TMEM68: variants seen among roughly 807,000 people sequenced by gnomAD.
The protein encoded by TMEM68 is DGAT1/2-independent enzyme synthesizing storage lipids.
Under a neutral mutation model 36.9 loss-of-function variants are expected in TMEM68, and 25 were observed. The observed-to-expected ratio is 0.68, with a 90% CI of 0.49 to 0.95. TMEM68 has a LOEUF of 0.95. Among genes scored for constraint, TMEM68 ranks in the 40% least tolerant of loss-of-function variants. The pLI, the probability that TMEM68 is intolerant of heterozygous loss-of-function variation, is 0.00. For missense variants in TMEM68, 333 were observed against 392.0 expected, an observed-to-expected ratio of 0.85 and a Z score of 1.27; for synonymous variants, 131 against 124.4, an observed-to-expected ratio of 1.05 and a Z score of -0.35.
chr8:55,746,297 T>C (rs1177066482), intron 5 of TMEM68: 4 of 103,752 alleles, frequency 3.9e-5, no homozygotes, highest in East Asian at 6.4e-4. Flanking sequence ...GTAAGGGCAA[T>C]AGAGCGAGAC....
intron 1 of TMEM68, among the ~76,000 whole-genome samples, chr8:55,771,650 T>C (rs1305269414): frequency 6.6e-6 from 1 of 152,084 alleles, no homozygotes; most frequent in Non-Finnish European, 1.5e-5. Flanking sequence ...ATAAAGTATA[T>C]CTATTTTGAA....
At chr8:55,742,103 G>A (rs1387323242) in intron 7 of TMEM68, among the ~76,000 whole-genome samples, 1 of 152,116 alleles carries the variant, frequency 6.6e-6, no homozygotes, top group Non-Finnish European at 1.5e-5. Flanking sequence ...ATACAACATA[G>A]ATGAACCTTG....
chr8:55,766,665 C>T (rs1269254783), intron 1 of TMEM68, among the ~76,000 whole-genome samples: 1 of 152,018 alleles, frequency 6.6e-6, no homozygotes, highest in Non-Finnish European at 1.5e-5. Flanking sequence ...CATGAGCCAC[C>T]GTGCCCGGCC....
intron 4 of TMEM68, 149 bp downstream of exon 4, chr8:55,756,095 C>T: frequency 4.3e-6 from 2 of 462,740 alleles, no homozygotes; most frequent in Non-Finnish European, 3.6e-6. Context: ...ATTAGATATT[C>T]CCATATTAGA....
At position 55,745,264 on chromosome 8, in the gene TMEM68, G is replaced by A. The variant is rs1159102031; in HGVS notation, c.688-143C>T. 1.8e-5 allele frequency: 8 copies of A among 432,998 alleles called. 1 individual carries two copies. Among genetic ancestry groups the A allele is most frequent in the East Asian group, 7.4e-5 (2 of 26,862 alleles). The allele number at this position is 432,998 out of a possible 1,614,324, so 26.8% of individuals were successfully genotyped here. A position where few individuals can be genotyped will look rare whatever the true frequency, so the allele number is the denominator to read the frequency against. ...TGCCACCCTGAACATGCCCAATCTC[G>A]TCTGATCCCAGAAGCTAAGCAGGGT... On this transcript the variant is annotated intron_variant, in intron 5 of 7. Coordinates refer to ENST00000434581, the MANE Select transcript of TMEM68 (RefSeq NM_001286657.2).
At chr8:55,771,637 T>A (rs10808901) in intron 1 of TMEM68, among the ~76,000 whole-genome samples, 131,017 of 151,854 alleles carry the variant, frequency 0.86, 56,666 homozygotes, top group East Asian at 0.99. Flanking sequence ...AATAAATAAA[T>A]AAATAAAGTA....
In TMEM68 at chr8:55,756,326, A is replaced by C; in HGVS notation, c.411T>G (p.Phe137Leu). Residue 137 changes from phenylalanine (F) to leucine (L), a missense_variant, in exon 4 of 8, where the codon TTT becomes TTG. By Grantham distance (22) the Phe-to-Leu change is conservative (BLOSUM62 0). Transcript: ENST00000434581. The stretch of plus-strand genomic sequence containing the variant: ...TAAATATTTTAGCCATGAAATAGTA[A>C]AAATCTATAGGAATAGCTCCATGAT... ...IFYHGAIPIDFYYFMAKIFIH... is the reference protein window; with the variant it reads ...IFYHGAIPIDLYYFMAKIFIH... The C allele has an allele frequency of 6.2e-7, 1 of 1,605,778 alleles. No individual in the cohort carries two copies. Among genetic ancestry groups the C allele is most frequent in the Non-Finnish European group, 8.5e-7 (1 of 1,177,342 alleles).
Position 55,739,994 on chromosome 8 carries a change from A to T in TMEM68, c.*138T>A. ...AAAATTGACTATTTTAAAGAAACGA[A>T]TTCTGTGAAAGATGCTTATTAACAT... On this transcript the variant is annotated 3_prime_UTR_variant, in exon 8 of 8. Coordinates refer to ENST00000434581, the MANE Select transcript of TMEM68 (RefSeq NM_001286657.2). 1.6e-6 allele frequency: 1 copy of T among 634,402 alleles called. No homozygotes were observed. Among genetic ancestry groups the T allele is most frequent in the Non-Finnish European group, 2.6e-6 (1 of 391,266 alleles). The allele number at this position is 634,402 out of a possible 1,614,324, so 39.3% of individuals were successfully genotyped here.
rs781501830 is a variant in TMEM68, at chr8:55,740,189, A to T, written c.918T>A (p.Asp306Glu). Residue 306 changes from aspartate (D) to glutamate (E), a missense_variant, in exon 8 of 8, where the codon GAT (aspartate) becomes GAA (glutamate). Physicochemically the swap from Asp to Glu is conservative, Grantham distance 45. Transcript: ENST00000434581. ...KTKNAVQALIDKHQRIPGNIM... is the reference protein window; with the variant it reads ...KTKNAVQALIEKHQRIPGNIM... ...TGTTTCCTGGTATTCTTTGGTGCTT[A>T]TCAATCAAAGCTTGAACAGCATTCT... is the stretch of plus-strand genomic sequence containing the variant. 5.6e-6 allele frequency: 9 copies of T among 1,613,562 alleles called. No individual in the cohort carries two copies. The highest frequency in any genetic ancestry group is 7.6e-6 in the Non-Finnish European group (9 of 1,179,852).
rs776592709 is a variant in TMEM68 at position 55,763,016 on chromosome 8, G to A, written c.-57C>T. On this transcript the variant is annotated 5_prime_UTR_variant, in exon 3 of 8. Coordinates refer to ENST00000434581, the MANE Select transcript of TMEM68 (RefSeq NM_001286657.2). ...TCTTTCTTCATTGCCATAGCAGGTCGCTAATTTTGACACTAGAAGGGAAAA... is the reference window on the plus strand; with the variant it reads ...TCTTTCTTCATTGCCATAGCAGGTCACTAATTTTGACACTAGAAGGGAAAA... The A allele has an allele frequency of 2.4e-5, 37 of 1,513,122 alleles. No homozygotes were observed. The highest frequency in any genetic ancestry group is 1.6e-4 in the East Asian group (7 of 43,806). 93.7% of individuals were successfully genotyped at this position (1,513,122 alleles called of 1,614,324 possible).
At chr8:55,742,378 A>C (rs368676790) in intron 7 of TMEM68, among the ~76,000 whole-genome samples, 4 of 152,186 alleles carry the variant, frequency 2.6e-5, no homozygotes, top group African/African-American at 9.6e-5. Flanking sequence ...AAGATAGTAC[A>C]TGTATGTGTT....
At chr8:55,763,126 C>T in intron 2 of TMEM68, 98 bp from the exon 3 acceptor site, 3 of 605,794 alleles carry the variant, frequency 5.0e-6, no homozygotes, top group Non-Finnish European at 7.8e-6. Flanking sequence ...TCTTAATACC[C>T]AAAATGAGTA....
At chr8:55,750,408 A>T (rs1810395478) in intron 5 of TMEM68, among the ~76,000 whole-genome samples, 1 of 152,234 alleles carries the variant, frequency 6.6e-6, no homozygotes, top group Admixed American at 6.5e-5. Context: ...AATAAACAGA[A>T]AACGAAGCAG....
intron 4 of TMEM68, among the ~76,000 whole-genome samples, chr8:55,754,988 A>T (rs1262216774): frequency 7.0e-6 from 1 of 143,574 alleles, no homozygotes; most frequent in African/African-American, 2.6e-5. Context: ...TAGCCTTTAT[A>T]AACAGATTTT....
At chr8:55,742,032 G>T (rs1810118990) in intron 7 of TMEM68, among the ~76,000 whole-genome samples, 2 of 152,036 alleles carry the variant, frequency 1.3e-5, no homozygotes, top group Non-Finnish European at 2.9e-5. Context: ...CTGCAGCCAG[G>T]GTTACAGAGT....
chr8:55,754,108 G>GTA (rs1810498983), intron 4 of TMEM68, among the ~76,000 whole-genome samples: 1 of 151,110 alleles, frequency 6.6e-6, no homozygotes, highest in Admixed American at 6.6e-5. Flanking sequence ...GAATAAATAT[G>GTA]TATATACACA....
chr8:55,755,943 A>G (rs912044208), intron 4 of TMEM68, among the ~76,000 whole-genome samples: 9 of 151,848 alleles, frequency 5.9e-5, no homozygotes, highest in African/African-American at 2.2e-4. Flanking sequence ...ATTTAAAATT[A>G]TTTTTTAAAA....
chr8:55,743,613 A>AAAT lies in TMEM68; in HGVS notation c.753_755dup (p.Leu251dup). The AAAT allele has an allele frequency of 6.5e-7, 1 of 1,534,588 alleles. No homozygotes were observed. The highest frequency in any genetic ancestry group is 8.7e-7 in the Non-Finnish European group (1 of 1,146,306). ...AGCGGAATTTTTCATAAAGCCACCT[A>AAAT]AATAACCCTGTTTTAGAGTAAATAC... On this transcript the variant is annotated inframe_insertion, in exon 7 of 8. Transcript: ENST00000434581.
At chr8:55,759,469 G>C (rs894216279) in intron 3 of TMEM68, among the ~76,000 whole-genome samples, 43 of 152,008 alleles carry the variant, frequency 2.8e-4, no homozygotes, top group African/African-American at 1.0e-3. Flanking sequence ...TACTCGGGCG[G>C]CTCAGGCAGG....
Sources: allele counts gnomAD v4.1 joint callset (sites outside exome capture counted in the v4.1 genomes callset), GRCh38; gene constraint gnomAD v4.1.1; transcripts MANE v1.5; gene names NCBI Gene and HGNC (gene_info 2026-07-23, HGNC 2026-07-21).